Variants in FNDC3B observed in about 807,000 individuals in gnomAD.
FNDC3B encodes fibronectin type III domain-containing protein 3B.
Under a neutral mutation model 151.5 loss-of-function variants are expected in FNDC3B, and 12 were observed. That is an observed-to-expected ratio of 0.08 (90% CI 0.05 to 0.13). FNDC3B has a LOEUF of 0.13. FNDC3B is among the 10% of genes least tolerant of loss of function. FNDC3B has a pLI of 1.00. For missense variants in FNDC3B, 1,214 were observed against 1,505.3 expected (o/e 0.81, Z 3.20); for synonymous variants, 528 against 549.0 (o/e 0.96, Z 0.54).
At chr3:172,296,748 G>A (rs1388757235) in intron 8 of FNDC3B, among the ~76,000 whole-genome samples, 1 of 152,170 alleles carries the variant, frequency 6.6e-6, no homozygotes, top group African/African-American at 2.4e-5. Context: ...ATTGACCCTT[G>A]AACAACACAG....
At chr3:172,219,082 T>A (rs115602819) in intron 3 of FNDC3B, among the ~76,000 whole-genome samples, 3,273 of 152,282 alleles carry the variant, frequency 0.021, 125 homozygotes, top group African/African-American at 0.073. Context: ...CTTCTGGGCC[T>A]CAGTCTGTTT....
intron 3 of FNDC3B, among the ~76,000 whole-genome samples, chr3:172,170,107 T>C (rs1723215042): frequency 6.6e-6 from 1 of 152,240 alleles, no homozygotes; most frequent in Non-Finnish European, 1.5e-5. Context: ...ATTAAAAATA[T>C]AAGCAAAGTT....
At chr3:172,127,982 A>C (rs1054505722) in intron 2 of FNDC3B, among the ~76,000 whole-genome samples, 17 of 152,198 alleles carry the variant, frequency 1.1e-4, no homozygotes, top group African/African-American at 3.9e-4. Flanking sequence ...TGAACCTTCT[A>C]TTCTTTGAAG....
chr3:172,216,387 C>CACAG (rs1576805928), intron 3 of FNDC3B, among the ~76,000 whole-genome samples: 1 of 152,154 alleles, frequency 6.6e-6, no homozygotes, highest in East Asian at 1.9e-4. Flanking sequence ...GTTTAACTGG[C>CACAG]TGGGCACAGT....
intron 3 of FNDC3B, among the ~76,000 whole-genome samples, chr3:172,174,942 C>CCCCCCCCCCCCCCCCA (rs1553769237): frequency 3.0e-5 from 2 of 66,384 alleles, no homozygotes; most frequent in South Asian, 9.0e-4. Flanking sequence ...CACCCCCCCC[C>CCCCCCCCCCCCCCCCA]CCCCAATACA....
At chr3:172,158,847 TTTCTCC>T (rs1262384438) in intron 3 of FNDC3B, among the ~76,000 whole-genome samples, 1 of 152,212 alleles carries the variant, frequency 6.6e-6, no homozygotes, top group Non-Finnish European at 1.5e-5. Context: ...TCTTCTTCTC[TTTCTCC>T]TCCTCCTTCC....
chr3:172,390,229 G>A (rs1210478717), intron 25 of FNDC3B, among the ~76,000 whole-genome samples: 1 of 152,176 alleles, frequency 6.6e-6, no homozygotes, highest in Non-Finnish European at 1.5e-5. Flanking sequence ...CAAGGCTTGT[G>A]AAAGAGGGAA....
chr3:172,280,741 AAGG>A (rs1219133695), intron 6 of FNDC3B, among the ~76,000 whole-genome samples: 3 of 152,236 alleles, frequency 2.0e-5, no homozygotes, highest in Non-Finnish European at 4.4e-5. Flanking sequence ...TATGTTTATA[AAGG>A]AGGATATTTT....
chr3:172,196,543 G>A (rs1197853240), intron 3 of FNDC3B, among the ~76,000 whole-genome samples: 1 of 152,044 alleles, frequency 6.6e-6, no homozygotes, highest in Non-Finnish European at 1.5e-5. Context: ...CTAAGTTTTA[G>A]CCCTAACTCT....
intron 6 of FNDC3B, among the ~76,000 whole-genome samples, chr3:172,254,282 C>T (rs1728226492): frequency 6.6e-6 from 1 of 152,020 alleles, no homozygotes; most frequent in Non-Finnish European, 1.5e-5. Context: ...GCTTCAGAAA[C>T]TTTAAAGCAA....
intron 7 of FNDC3B, among the ~76,000 whole-genome samples, chr3:172,286,670 CT>C (rs1730035176): frequency 6.6e-6 from 1 of 152,110 alleles, no homozygotes; most frequent in Admixed American, 6.5e-5. Context: ...AACCTAAAAG[CT>C]TGAGGTGTGT....
rs75766551 is a variant in FNDC3B at position 172,209,612 on chromosome 3, C to T, written c.188-17259C>T. Among the ~76,000 whole-genome samples, 1,338 of 152,284 alleles carry T rather than the reference C, an allele frequency of 8.8e-3. 26 individuals carry two copies. The highest frequency in any genetic ancestry group is 0.031 in the African/African-American group (1,268 of 41,552). On this transcript the variant is annotated intron_variant, in intron 3 of 25. Transcript: ENST00000415807. ...AGGCGGGCCTGGAAAAAGCACCATC[C>T]GATTATCCGAAAGGCATCAAGGAAG...
At chr3:172,219,070 T>A (rs974173841) in intron 3 of FNDC3B, among the ~76,000 whole-genome samples, 1 of 152,218 alleles carries the variant, frequency 6.6e-6, no homozygotes, top group Non-Finnish European at 1.5e-5. Flanking sequence ...CTGGTCAGCT[T>A]GCTTCTGGGC....
chr3:172,276,003 A>G (rs921931984), intron 6 of FNDC3B, among the ~76,000 whole-genome samples: 2 of 152,310 alleles, frequency 1.3e-5, no homozygotes, highest in South Asian at 4.1e-4. Flanking sequence ...ATTTTAAAAG[A>G]TCATTTTAAG....
chr3:172,105,286 G>A (rs897133173), intron 1 of FNDC3B, among the ~76,000 whole-genome samples: 2 of 152,044 alleles, frequency 1.3e-5, no homozygotes, highest in African/African-American at 2.4e-5. Flanking sequence ...ACTTCTAGAT[G>A]TTTATTTTTT....
At chr3:172,129,740 C>T (rs990792217) in intron 2 of FNDC3B, among the ~76,000 whole-genome samples, 27 of 152,048 alleles carry the variant, frequency 1.8e-4, no homozygotes, top group African/African-American at 6.3e-4. Flanking sequence ...GAGGATGCTC[C>T]CATGATTTGA....
At chr3:172,218,598 T>A (rs1425490613) in intron 3 of FNDC3B, among the ~76,000 whole-genome samples, 1 of 152,232 alleles carries the variant, frequency 6.6e-6, no homozygotes, top group African/African-American at 2.4e-5. Flanking sequence ...ATATTATTCA[T>A]CGAGGCACAG....
intron 22 of FNDC3B, among the ~76,000 whole-genome samples, chr3:172,357,811 G>A (rs982172282): frequency 6.6e-6 from 1 of 151,994 alleles, no homozygotes; most frequent in African/African-American, 2.4e-5. Context: ...AGCTGTACAC[G>A]TAAATGTTCA....
intron 12 of FNDC3B, chr3:172,329,840 A>T (rs1732552644): frequency 1.3e-5 from 2 of 152,212 alleles, no homozygotes; most frequent in South Asian, 4.1e-4. Flanking sequence ...TGGTTGAAAA[A>T]ATACCGACAC....
Sources: gnomAD v4.1 joint callset for allele counts (sites outside exome capture counted in the v4.1 genomes callset) on GRCh38, gnomAD v4.1.1 for gene constraint, MANE v1.5 for transcripts, NCBI Gene and HGNC (gene_info 2026-07-23, HGNC 2026-07-21) for gene names.